Variants in ALOX5 observed in about 807,000 individuals in gnomAD.
ALOX5 encodes the protein arachidonate 5-lipoxygenase.
Under a neutral mutation model 87.9 loss-of-function variants are expected in ALOX5, and 64 were observed. The ratio of observed to expected loss-of-function variants is 0.73; its 90% CI spans 0.60 to 0.90. ALOX5 has a LOEUF of 0.90. Among genes scored for constraint, ALOX5 ranks in the 40% least tolerant of loss-of-function variants. ALOX5 has a pLI of 0.00. For synonymous variants in ALOX5, 388 were observed against 355.1 expected, an observed-to-expected ratio of 1.09 and a Z score of -1.04; for missense variants, 822 against 907.5, an observed-to-expected ratio of 0.91 and a Z score of 1.21.
chr10:45,434,488 C>T (rs923375997), intron 7 of ALOX5, among the ~76,000 whole-genome samples: 3 of 152,302 alleles, frequency 2.0e-5, no homozygotes, highest in South Asian at 2.1e-4. Flanking sequence ...AATGTTGAGG[C>T]GTCTTTGAAA....
chr10:45,380,039 GCC>G (rs1839773629), intron 1 of ALOX5, among the ~76,000 whole-genome samples: 1 of 152,158 alleles, frequency 6.6e-6, no homozygotes, highest in Non-Finnish European at 1.5e-5. Flanking sequence ...GGGCCACTCA[GCC>G]CCCACTCTGC....
chr10:45,388,328 C>T (rs1840075370), intron 2 of ALOX5, among the ~76,000 whole-genome samples: 1 of 115,222 alleles, frequency 8.7e-6, no homozygotes, highest in Non-Finnish European at 2.1e-5. Context: ...TGTCTGACAG[C>T]TTTGAAGTGA....
chr10:45,439,889 C>G (rs560829892), intron 7 of ALOX5, among the ~76,000 whole-genome samples: 1 of 152,306 alleles, frequency 6.6e-6, no homozygotes, highest in South Asian at 2.1e-4. Flanking sequence ...AGACCCTGAT[C>G]TGGGAGGCTC....
rs190449801 is a variant in ALOX5 at position 45,423,668 on chromosome 10, C to G, written c.555-373C>G. Among the ~76,000 whole-genome samples, 231 of 152,316 alleles carry G rather than the reference C, an allele frequency of 1.5e-3. 1 individual carries two copies. The highest frequency in any genetic ancestry group is 4.2e-3 in the African/African-American group (176 of 41,552). ...TCAAGTCAATTGAACTGTTCATCGCCCCAAAAGCCAGGCAACACGGTAGAG... is the reference window on the plus strand; with the variant it reads ...TCAAGTCAATTGAACTGTTCATCGCGCCAAAAGCCAGGCAACACGGTAGAG... On this transcript the variant is annotated intron_variant, in intron 4 of 13. Coordinates refer to ENST00000374391, the MANE Select transcript of ALOX5 (RefSeq NM_000698.5).
chr10:45,380,491 G>T (rs1839787389), intron 1 of ALOX5, among the ~76,000 whole-genome samples: 1 of 152,242 alleles, frequency 6.6e-6, no homozygotes, highest in Non-Finnish European at 1.5e-5. Context: ...CCCTCCAGGG[G>T]TCCTCCTGGC....
intron 4 of ALOX5, among the ~76,000 whole-genome samples, chr10:45,413,387 C>G (rs1035322737): frequency 1.3e-5 from 2 of 152,198 alleles, no homozygotes; most frequent in African/African-American, 4.8e-5. Context: ...TGACAAAATT[C>G]AACAACCATT....
rs201963473 is a variant in ALOX5, at chr10:45,420,701, G to A, written c.555-3340G>A. Among the ~76,000 whole-genome samples, 12 of 152,374 alleles carry A rather than the reference G, an allele frequency of 7.9e-5. No homozygotes were observed. In the East Asian group the frequency reaches 2.1e-3, roughly 27 times the overall value. On this transcript the variant is annotated intron_variant, in intron 4 of 13. Coordinates refer to ENST00000374391, the MANE Select transcript of ALOX5 (RefSeq NM_000698.5). ...GGCACGCAGTTCCTCCTAGCCACCT[G>A]CTGTACCTGGAAGGGGGCCAGCCCT...
chr10:45,376,431 A>T (rs1839616248), intron 1 of ALOX5, among the ~76,000 whole-genome samples: 1 of 152,124 alleles, frequency 6.6e-6, no homozygotes, highest in African/African-American at 2.4e-5. Context: ...GTTCCTGTTG[A>T]TGCAAAGTTA....
intron 1 of ALOX5, among the ~76,000 whole-genome samples, chr10:45,378,984 G>A (rs1440796715): frequency 1.3e-5 from 2 of 152,168 alleles, no homozygotes; most frequent in African/African-American, 4.8e-5. Flanking sequence ...TGCAGGTGTA[G>A]GTAGGGCAGG....
chr10:45,428,824 T>C (rs542822658), intron 7 of ALOX5, 60 bp downstream of exon 7: 2 of 1,595,202 alleles, frequency 1.3e-6, no homozygotes, highest in Non-Finnish European at 1.7e-6. Context: ...CCAGGGCTCC[T>C]GGGTGGCTCC....
In ALOX5 at chr10:45,443,437, C is replaced by T. The variant is rs766877023; in HGVS notation, c.1473C>T (p.Asp491=). 6.2e-7 allele frequency: 1 copy of T among 1,609,002 alleles called. No homozygotes were observed. Among genetic ancestry groups the T allele is most frequent in the South Asian group, 1.1e-5 (1 of 90,628 alleles). The change falls in exon 11 of 14, where the codon GAC becomes GAT. Residue 491 remains aspartate, a synonymous_variant. Coordinates refer to ENST00000374391, the MANE Select transcript of ALOX5 (RefSeq NM_000698.5). ...AIRTFTAEVV[D]IYYEGDQVVE... ...CCAGGTTCACGGCCGAGGTGGTAGA[C>T]ATCTACTACGAGGGCGACCAGGTGG...
At position 45,440,548 on chromosome 10, in the gene ALOX5, C is replaced by T. The variant is rs1842197642; in HGVS notation, c.1100C>T (p.Thr367Ile). The T allele has an allele frequency of 5.6e-6, 9 of 1,614,222 alleles. No homozygotes were observed. Among genetic ancestry groups the T allele is most frequent in the Non-Finnish European group, 7.6e-6 (9 of 1,180,040 alleles). ...SSDFHVHQTITHLLRTHLVSE... is the reference protein window; with the variant it reads ...SSDFHVHQTIIHLLRTHLVSE... ...GACTTCCACGTCCACCAGACCATCA[C>T]CCACCTTCTGCGAACACATCTGGTG... The change falls in exon 8 of 14, where the codon ACC (threonine) becomes ATC (isoleucine). Residue 367 changes from threonine (T) to isoleucine (I), a missense_variant. Physicochemically the swap from Thr to Ile is moderately conservative, Grantham distance 89 (BLOSUM62 -1). Coordinates refer to ENST00000374391, the MANE Select transcript of ALOX5 (RefSeq NM_000698.5).
rs1050040204 is a variant in ALOX5 at position 45,399,904 on chromosome 10, T to G, written c.431+3968T>G. On this transcript the variant is annotated intron_variant, in intron 3 of 13. Coordinates refer to ENST00000374391, the MANE Select transcript of ALOX5 (RefSeq NM_000698.5). Reference sequence around the variant, plus strand: ...TAAGCACGTGAAAATATGCTCAACATTATTAATCATCAGGAAATTTCAAAT... The same window carrying G: ...TAAGCACGTGAAAATATGCTCAACAGTATTAATCATCAGGAAATTTCAAAT... 4.6e-5 allele frequency among the ~76,000 whole-genome samples: 7 copies of G among 152,294 alleles called. No individual in the cohort carries two copies. The East Asian group carries it at 1.4e-3, about 29-fold the overall frequency.
intron 1 of ALOX5, among the ~76,000 whole-genome samples, chr10:45,375,176 G>A (rs985827675): frequency 2.6e-5 from 4 of 152,190 alleles, no homozygotes; most frequent in African/African-American, 7.2e-5. Flanking sequence ...CCTAAATGGA[G>A]GGGCTGCACT....
chr10:45,420,726 T>C (rs1841471372), intron 4 of ALOX5, among the ~76,000 whole-genome samples: 1 of 152,248 alleles, frequency 6.6e-6, no homozygotes, highest in East Asian at 1.9e-4. Context: ...GGGCCAGCCC[T>C]CCTCAGCAGG....
intron 10 of ALOX5, 45 bp from the exon 11 acceptor site, chr10:45,443,371 C>T: frequency 1.3e-6 from 2 of 1,596,740 alleles, no homozygotes; most frequent in African/African-American, 1.3e-5. Context: ...CACCGCTCCG[C>T]AGACCTGGCT....
chr10:45,383,830 AT>A (rs1371209683), intron 2 of ALOX5, among the ~76,000 whole-genome samples: 1 of 152,196 alleles, frequency 6.6e-6, no homozygotes, highest in African/African-American at 2.4e-5. Flanking sequence ...AGGAAAAAAA[AT>A]CACAAAGTTC....
chr10:45,444,111 C>T lies in ALOX5; in HGVS notation c.1675-5C>T. ...GCCCACGCTTGCTGGCGGTCGTCTCCGCAGTACGACTGGTGCTCCTGGATC... is the reference window on the plus strand; with the variant it reads ...GCCCACGCTTGCTGGCGGTCGTCTCTGCAGTACGACTGGTGCTCCTGGATC... On this transcript the variant is annotated splice_polypyrimidine_tract_variant and splice_region_variant and intron_variant, in intron 12 of 13. Transcript: ENST00000374391. 3 of 1,535,402 alleles carry T rather than the reference C, an allele frequency of 2.0e-6. No individual in the cohort carries two copies. The highest frequency in any genetic ancestry group is 1.8e-6 in the Non-Finnish European group (2 of 1,137,122).
intron 2 of ALOX5, among the ~76,000 whole-genome samples, chr10:45,383,214 G>A (rs991483509): frequency 3.3e-5 from 5 of 152,252 alleles, no homozygotes; most frequent in East Asian, 3.8e-4. Context: ...TCTTCAACCC[G>A]AAGTCTCACC....
Sources: gnomAD v4.1 joint callset for allele counts (sites outside exome capture counted in the v4.1 genomes callset) on GRCh38, gnomAD v4.1.1 for gene constraint, MANE v1.5 for transcripts, NCBI Gene and HGNC (gene_info 2026-07-23, HGNC 2026-07-21) for gene names.